AUTS2: variants seen among roughly 807,000 people sequenced by gnomAD.
AUTS2 encodes the protein autism susceptibility gene 2 protein.
AUTS2 carries 17 observed loss-of-function variants against 112.4 expected under a neutral mutation model. That is an observed-to-expected ratio of 0.15 (90% CI 0.10 to 0.23). AUTS2 has a LOEUF of 0.23. Among genes scored for constraint, AUTS2 ranks in the 10% least tolerant of loss-of-function variants. The pLI is 1.00. For synonymous variants in AUTS2, 751 were observed against 702.7 expected (o/e 1.07, Z -1.09); for missense variants, 1,510 against 1,701.6 (o/e 0.89, Z 1.98).
At chr7:70,181,581 G>A (rs1315337629) in intron 4 of AUTS2, among the ~76,000 whole-genome samples, 1 of 150,644 alleles carries the variant, frequency 6.6e-6, no homozygotes, top group African/African-American at 2.4e-5. Context: ...TCTGCTTCCT[G>A]GGTTCAAGGA....
chr7:70,317,990 C>T (rs886949789), intron 4 of AUTS2, among the ~76,000 whole-genome samples: 1 of 152,098 alleles, frequency 6.6e-6, no homozygotes, highest in Non-Finnish European at 1.5e-5. Context: ...GACTTGCTAC[C>T]TTTAGAAACA....
At chr7:70,622,119 T>G (rs999380567) in intron 5 of AUTS2, among the ~76,000 whole-genome samples, 3 of 152,036 alleles carry the variant, frequency 2.0e-5, no homozygotes, top group Non-Finnish European at 4.4e-5. Flanking sequence ...ATTACAGGTG[T>G]GAGCCATTGC....
At chr7:69,602,147 TTGAC>T (rs940911718) in intron 1 of AUTS2, among the ~76,000 whole-genome samples, 16 of 151,550 alleles carry the variant, frequency 1.1e-4, no homozygotes, top group Admixed American at 7.2e-4. Context: ...AAATAGGTAT[TTGAC>T]TGGGCTTGTG....
intron 1 of AUTS2, among the ~76,000 whole-genome samples, chr7:69,611,907 G>A (rs1392463402): frequency 4.8e-5 from 7 of 145,350 alleles, no homozygotes; most frequent in African/African-American, 7.7e-5. Flanking sequence ...TCCGCAGTCC[G>A]GCCTGGGCGA....
chr7:70,558,985 A>G (rs921467694), intron 5 of AUTS2, among the ~76,000 whole-genome samples: 1 of 152,190 alleles, frequency 6.6e-6, no homozygotes, highest in African/African-American at 2.4e-5. Flanking sequence ...CTTGAATTGT[A>G]ATAATCCCCA....
intron 2 of AUTS2, among the ~76,000 whole-genome samples, chr7:70,101,735 G>A (rs1804508043): frequency 6.6e-6 from 1 of 151,898 alleles, no homozygotes; most frequent in Non-Finnish European, 1.5e-5. Context: ...AAATAAAAAG[G>A]TAGAGAGTAT....
At chr7:69,745,861 G>A (rs1206786766) in intron 1 of AUTS2, among the ~76,000 whole-genome samples, 1 of 152,008 alleles carries the variant, frequency 6.6e-6, no homozygotes, top group Admixed American at 6.6e-5. Context: ...CAAAAACAAT[G>A]CCAGTATGTA....
intron 5 of AUTS2, among the ~76,000 whole-genome samples, chr7:70,654,403 T>G: frequency 6.6e-6 from 1 of 152,260 alleles, no homozygotes; most frequent in Non-Finnish European, 1.5e-5. Flanking sequence ...CCAATAAAAC[T>G]TTATTTACAA....
At chr7:70,107,152 C>T (rs893854074) in intron 2 of AUTS2, among the ~76,000 whole-genome samples, 1 of 152,008 alleles carries the variant, frequency 6.6e-6, no homozygotes, top group Non-Finnish European at 1.5e-5. Flanking sequence ...AATCCGATAC[C>T]TCACTATCTA....
chr7:69,653,605 ATG>A (rs1489869347), intron 1 of AUTS2, among the ~76,000 whole-genome samples: 3 of 150,896 alleles, frequency 2.0e-5, no homozygotes, highest in Non-Finnish European at 4.4e-5. Flanking sequence ...AATTCTCTGT[ATG>A]TGCATGCATG....
chr7:70,615,980 A>G (rs1804345179), intron 5 of AUTS2, among the ~76,000 whole-genome samples: 1 of 152,090 alleles, frequency 6.6e-6, no homozygotes, highest in African/African-American at 2.4e-5. Flanking sequence ...CCAGACCTCA[A>G]GTGATCTGCC....
chr7:70,015,320 A>C (rs1172895015), intron 2 of AUTS2, among the ~76,000 whole-genome samples: 1 of 152,218 alleles, frequency 6.6e-6, no homozygotes, highest in Non-Finnish European at 1.5e-5. Context: ...AATCTCACTT[A>C]GTCCTCACAA....
At chr7:70,648,856 G>T (rs1040029219) in intron 5 of AUTS2, among the ~76,000 whole-genome samples, 1 of 152,134 alleles carries the variant, frequency 6.6e-6, no homozygotes, top group Non-Finnish European at 1.5e-5. Context: ...AAAATGCTGA[G>T]ATTACAGATA....
At chr7:70,655,545 G>A (rs1806725994) in intron 5 of AUTS2, among the ~76,000 whole-genome samples, 1 of 152,208 alleles carries the variant, frequency 6.6e-6, no homozygotes, top group African/African-American at 2.4e-5. Context: ...TTACGGTAAG[G>A]GGGTGAGCAT....
rs111663306 is a variant in AUTS2 at position 69,743,221 on chromosome 7, C to T, written c.309+143259C>T. ...AATATGGGAATAATAATAGTTCCTT[C>T]CTCACAGGGTTGTTGTAAAGACTAG... On this transcript the variant is annotated intron_variant, in intron 1 of 18. Transcript: ENST00000342771. Among the ~76,000 whole-genome samples, 61 of 152,290 alleles carry T rather than the reference C, an allele frequency of 4.0e-4. 3 individuals are homozygous for T. The highest frequency in any genetic ancestry group is 1.4e-3 in the African/African-American group (57 of 41,552).
intron 1 of AUTS2, among the ~76,000 whole-genome samples, chr7:69,755,319 C>T (rs1435614561): frequency 6.6e-6 from 1 of 152,158 alleles, no homozygotes; most frequent in Non-Finnish European, 1.5e-5. Context: ...CTTGGGGTTA[C>T]TTTATAATCA....
intron 4 of AUTS2, among the ~76,000 whole-genome samples, chr7:70,163,439 A>T (rs1808222797): frequency 6.8e-6 from 1 of 146,990 alleles, no homozygotes; most frequent in African/African-American, 2.5e-5. Context: ...TGAAATTTAG[A>T]TTTCGCTCTG....
chr7:69,933,131 A>T (rs1405838762), intron 2 of AUTS2, among the ~76,000 whole-genome samples: 1 of 152,132 alleles, frequency 6.6e-6, no homozygotes, highest in African/African-American at 2.4e-5. Context: ...ATAAACTATT[A>T]TTTTTTCTAA....
At chr7:70,558,394 G>A (rs568757567) in intron 5 of AUTS2, among the ~76,000 whole-genome samples, 21 of 152,242 alleles carry the variant, frequency 1.4e-4, no homozygotes, top group African/African-American at 4.8e-4. Context: ...GCAGCTGTGG[G>A]GGACCCTTCC....
Sources: gnomAD v4.1 joint callset for allele counts (sites outside exome capture counted in the v4.1 genomes callset) on GRCh38, gnomAD v4.1.1 for gene constraint, MANE v1.5 for transcripts, NCBI Gene and HGNC (gene_info 2026-07-23, HGNC 2026-07-21) for gene names.